CELA3B: variants seen among roughly 807,000 people sequenced by gnomAD.
CELA3B encodes chymotrypsin-like elastase family member 3B.
CELA3B carries 34 observed loss-of-function variants against 37.2 expected under a neutral mutation model. The observed-to-expected ratio is 0.91, with a 90% CI of 0.70 to 1.22. The LOEUF (loss-of-function observed/expected upper bound fraction) is 1.22, where lower values mean the gene tolerates loss of function less well. Ranked by LOEUF, CELA3B falls within the 50% of genes most tolerant of loss-of-function variation. The probability of loss-of-function intolerance (pLI) is 0.00; values close to 1 mark genes in which losing one functional copy is unlikely to be tolerated. For synonymous variants in CELA3B, 127 were observed against 143.5 expected (o/e 0.89, Z 0.82); for missense variants, 340 against 363.1 (o/e 0.94, Z 0.52).
downstream of CELA3B, among the ~76,000 whole-genome samples, chr1:21,993,461 CAAAAA>C (rs58752734): frequency 1.2e-5 from 1 of 81,654 alleles, no homozygotes; most frequent in Non-Finnish European, 2.6e-5. Context: ...ACCTCCTCTC[CAAAAA>C]AAAAAAAAAA....
intron 7 of CELA3B, among the ~76,000 whole-genome samples, chr1:21,988,095 C>T (rs147748078): frequency 6.6e-6 from 1 of 150,516 alleles, no homozygotes; most frequent in South Asian, 2.1e-4. Context: ...GCCTGTGGTC[C>T]CAGCTACTCA....
chr1:21,994,724 G>T (rs1234245063), intron 4 of CELA3B, among the ~76,000 whole-genome samples: 2 of 151,032 alleles, frequency 1.3e-5, no homozygotes, highest in East Asian at 3.9e-4. Context: ...TTGTGGCCAG[G>T]CATGGTGGCT....
chr1:21,989,229 T>G, intron 7 of CELA3B, 33 bp from the exon 8 acceptor site: 1 of 1,419,558 alleles, frequency 7.0e-7, no homozygotes, highest in South Asian at 1.2e-5. Flanking sequence ...GCTCCTAAAT[T>G]GACTATTCTG....
chr1:21,993,282 G>A (rs964620327), downstream of CELA3B, among the ~76,000 whole-genome samples: 3 of 151,020 alleles, frequency 2.0e-5, no homozygotes, highest in Non-Finnish European at 4.4e-5. Context: ...CCAACATGGC[G>A]AAATCCCGTC....
At chr1:21,987,138 AAC>A in intron 7 of CELA3B, 10 of 228,908 alleles carry the variant, frequency 4.4e-5, no homozygotes, top group Non-Finnish European at 3.5e-5. Flanking sequence ...GTAATAGCTA[AAC>A]AAAAAAAAAA....
rs754087388 is a variant in CELA3B at position 21,978,429 on chromosome 1, C to A, written c.104C>A (p.Ala35Glu). Reference protein sequence around the residue: ...PSSRVVNGEDAVPYSWPWQVS... With the variant: ...PSSRVVNGEDEVPYSWPWQVS... The stretch of plus-strand genomic sequence containing the variant: ...AGCCGCGTTGTCAATGGTGAGGATG[C>A]GGTCCCCTACAGCTGGCCCTGGCAG... The change falls in exon 2 of 8, where the codon GCG (alanine) becomes GAG (glutamate). Residue 35 changes from alanine (A) to glutamate (E), a missense_variant. Transcript: ENST00000337107. 8 of 1,613,952 alleles carry A rather than the reference C, an allele frequency of 5.0e-6. No individual in the cohort carries two copies. The highest frequency in any genetic ancestry group is 5.9e-6 in the Non-Finnish European group (7 of 1,179,942).
At chr1:21,982,881 G>A (rs571197874) in intron 4 of CELA3B, among the ~76,000 whole-genome samples, 6 of 152,096 alleles carry the variant, frequency 3.9e-5, no homozygotes, top group Non-Finnish European at 5.9e-5. Flanking sequence ...GGGTTTCACC[G>A]TGTTAGCCAG....
downstream of CELA3B, among the ~76,000 whole-genome samples, chr1:21,989,721 G>C (rs1246085791): frequency 6.6e-6 from 1 of 150,826 alleles, no homozygotes; most frequent in East Asian, 1.9e-4. Context: ...TCATGGTAGA[G>C]TGGGAAGGAC....
chr1:21,991,677 G>T (rs1489954473), downstream of CELA3B, among the ~76,000 whole-genome samples: 1 of 151,180 alleles, frequency 6.6e-6, no homozygotes, highest in Non-Finnish European at 1.5e-5. Flanking sequence ...ATCTTATAAA[G>T]GGTTATAGCC....
chr1:21,991,658 A>G (rs556691340), downstream of CELA3B, among the ~76,000 whole-genome samples: 53 of 151,070 alleles, frequency 3.5e-4, no homozygotes, highest in South Asian at 4.2e-4. Context: ...TTTGGAAAGG[A>G]GATTTTATAT....
downstream of CELA3B, among the ~76,000 whole-genome samples, chr1:21,991,580 C>G (rs915064358): frequency 1.3e-5 from 2 of 151,016 alleles, no homozygotes; most frequent in African/African-American, 2.5e-5. Context: ...AAGTGATCCA[C>G]CCGCCTTGGC....
Position 21,984,171 on chromosome 1 carries a change from T to G in CELA3B, c.500-18T>G, listed in dbSNP as rs771780597. On this transcript the variant is annotated intron_variant, in intron 5 of 7. Coordinates refer to ENST00000337107, the MANE Select transcript of CELA3B (RefSeq NM_007352.4). ...CTGTGCCCCCAGACCCCTGACTCGG[T>G]GCTTTTTATCGCTGCAGCCAACGGG... 8 of 1,610,032 alleles carry G rather than the reference T, an allele frequency of 5.0e-6. No homozygotes were observed. The Admixed American group carries it at 1.3e-4, about 27-fold the overall frequency.
chr1:21,996,168 G>C (rs527315505), intron 4 of CELA3B, among the ~76,000 whole-genome samples: 2 of 151,264 alleles, frequency 1.3e-5, no homozygotes, highest in East Asian at 2.0e-4. Flanking sequence ...AGCCGAGATC[G>C]CGCCACTGTA....
At chr1:21,996,144 T>C (rs1427536066) in intron 4 of CELA3B, among the ~76,000 whole-genome samples, 1 of 150,750 alleles carries the variant, frequency 6.6e-6, no homozygotes, top group East Asian at 2.0e-4. Flanking sequence ...ACCTGGGAGG[T>C]GGAGGCTGCA....
chr1:21,984,953 AAAT>A (rs970744035), intron 6 of CELA3B, among the ~76,000 whole-genome samples: 3 of 151,826 alleles, frequency 2.0e-5, no homozygotes, highest in Non-Finnish European at 4.4e-5. Context: ...TCTAAAAAAA[AAAT>A]AATAATAAAG....
intron 4 of CELA3B, among the ~76,000 whole-genome samples, chr1:21,982,720 C>G (rs959389339): frequency 3.3e-5 from 5 of 152,062 alleles, no homozygotes; most frequent in African/African-American, 1.2e-4. Flanking sequence ...CTCTGTCACC[C>G]AGGCTGGAGT....
chr1:21,994,413 G>C (rs1185516871), intron 4 of CELA3B, among the ~76,000 whole-genome samples: 1 of 151,008 alleles, frequency 6.6e-6, no homozygotes, highest in Non-Finnish European at 1.5e-5. Context: ...CATCTTGGGA[G>C]GGAGCTGTAC....
chr1:21,997,218 G>A (rs1338245197), intron 4 of CELA3B, among the ~76,000 whole-genome samples: 6 of 150,536 alleles, frequency 4.0e-5, no homozygotes, highest in African/African-American at 7.4e-5. Flanking sequence ...AAAATTAGCC[G>A]GGCGTGGTGG....
chr1:21,991,733 G>A (rs1017797318), downstream of CELA3B, among the ~76,000 whole-genome samples: 5 of 151,398 alleles, frequency 3.3e-5, no homozygotes, highest in African/African-American at 9.8e-5. Flanking sequence ...GCCTCCTGCA[G>A]AGATCAGAAA....
Sources: gnomAD v4.1 joint callset for allele counts (sites outside exome capture counted in the v4.1 genomes callset) on GRCh38, gnomAD v4.1.1 for gene constraint, MANE v1.5 for transcripts, NCBI Gene and HGNC (gene_info 2026-07-23, HGNC 2026-07-21) for gene names.